EXT1: variants seen among roughly 807,000 people sequenced by gnomAD.
EXT1 encodes exostosin glycosyltransferase 1, also known as exostosin-1.
EXT1 carries 20 observed loss-of-function variants against 82.5 expected under a neutral mutation model. The observed-to-expected ratio is 0.24, with a 90% CI of 0.17 to 0.35. The LOEUF is 0.35. EXT1 is among the 10% of genes least tolerant of loss of function. The pLI, the probability that EXT1 is intolerant of heterozygous loss-of-function variation, is 1.00. For synonymous variants in EXT1, 348 were observed against 350.8 expected (o/e 0.99, Z 0.09); for missense variants, 757 against 936.5 (o/e 0.81, Z 2.50).
At chr8:117,958,938 C>T (rs1196790551) in intron 1 of EXT1, among the ~76,000 whole-genome samples, 4 of 152,178 alleles carry the variant, frequency 2.6e-5, no homozygotes, top group Non-Finnish European at 5.9e-5. Context: ...TGCAAAATCT[C>T]CTTTCTGAGG....
intron 1 of EXT1, among the ~76,000 whole-genome samples, chr8:118,015,413 A>T (rs1019714496): frequency 2.6e-5 from 4 of 152,210 alleles, no homozygotes; most frequent in African/African-American, 9.6e-5. Flanking sequence ...TTACATCAAA[A>T]TGCATAAATG....
intron 1 of EXT1, among the ~76,000 whole-genome samples, chr8:117,984,807 G>T (rs1254177531): frequency 6.6e-6 from 1 of 152,180 alleles, no homozygotes; most frequent in East Asian, 1.9e-4. Flanking sequence ...TCTCTGATTA[G>T]AAGTTGGCTG....
intron 1 of EXT1, among the ~76,000 whole-genome samples, chr8:118,097,837 GACAA>G (rs1448347336): frequency 2.0e-5 from 3 of 152,168 alleles, no homozygotes; most frequent in Non-Finnish European, 2.9e-5. Context: ...ACTGGAGAGA[GACAA>G]ACAAACAGCT....
chr8:117,915,352 CAT>C (rs58661474), intron 1 of EXT1, among the ~76,000 whole-genome samples: 141 of 146,920 alleles, frequency 9.6e-4, no homozygotes, highest in Middle Eastern at 3.5e-3. Flanking sequence ...TAGATATAAC[CAT>C]ATATATATAT....
chr8:117,856,267 T>TG lies in EXT1; in HGVS notation c.963-19067dup, dbSNP rs1554581448. On this transcript the variant is annotated intron_variant, in intron 1 of 10. Coordinates refer to ENST00000378204, the MANE Select transcript of EXT1 (RefSeq NM_000127.3). ...AAGGCTTTTTCTTTTTTTTTTTTTT[T>TG]GTGGGGGGACGGAGTCTCGCTCTGT... is the stretch of plus-strand genomic sequence containing the variant. Among the ~76,000 whole-genome samples the TG allele has an allele frequency of 2.8e-4, 38 of 133,436 alleles. 1 individual carries two copies. Among genetic ancestry groups the TG allele is most frequent in the African/African-American group, 6.0e-4 (20 of 33,378 alleles). 87.5% of individuals were successfully genotyped at this position (133,436 alleles called of 152,430 possible). A position where few individuals can be genotyped will look rare whatever the true frequency, so the allele number is the denominator to read the frequency against.
intron 3 of EXT1, among the ~76,000 whole-genome samples, chr8:117,831,205 A>G (rs1007911158): frequency 6.6e-6 from 1 of 152,214 alleles, no homozygotes; most frequent in Non-Finnish European, 1.5e-5. Flanking sequence ...TGCCTCTAGC[A>G]GCATTTACTA....
chr8:118,041,916 C>T (rs1272051341), intron 1 of EXT1, among the ~76,000 whole-genome samples: 3 of 150,068 alleles, frequency 2.0e-5, no homozygotes, highest in Non-Finnish European at 4.4e-5. Flanking sequence ...CCACTGCATT[C>T]CAGCCTGGGT....
At chr8:117,887,928 A>C (rs1465653446) in intron 1 of EXT1, among the ~76,000 whole-genome samples, 1 of 151,752 alleles carries the variant, frequency 6.6e-6, no homozygotes, top group Non-Finnish European at 1.5e-5. Context: ...TCTACTAAAA[A>C]TACAAAATTA....
Position 118,111,511 on chromosome 8 carries a change from A to G in EXT1, c.-465T>C. 2 of 466,570 alleles carry G rather than the reference A, an allele frequency of 4.3e-6. No homozygotes were observed. Among genetic ancestry groups the G allele is most frequent in the South Asian group, 1.0e-4 (2 of 19,488 alleles). The allele number at this position is 466,570 out of a possible 1,614,324, so 28.9% of individuals were successfully genotyped here. A position where few individuals can be genotyped will look rare whatever the true frequency, so the allele number is the denominator to read the frequency against. On this transcript the variant is annotated 5_prime_UTR_variant, in exon 1 of 11. Transcript: ENST00000378204. ...TCATCCACCACTCTCCGTGCAGAGCACTCCGGTTCCAACAAGTCAGCCGAT... is the reference window on the plus strand; with the variant it reads ...TCATCCACCACTCTCCGTGCAGAGCGCTCCGGTTCCAACAAGTCAGCCGAT...
At chr8:117,809,740 G>A (rs1310153286) in intron 8 of EXT1, among the ~76,000 whole-genome samples, 1 of 152,062 alleles carries the variant, frequency 6.6e-6, no homozygotes, top group Non-Finnish European at 1.5e-5. Context: ...AGGTAGCAGG[G>A]GATGGTGAGC....
intron 1 of EXT1, among the ~76,000 whole-genome samples, chr8:118,073,697 G>GC: frequency 7.6e-6 from 1 of 132,310 alleles, no homozygotes; most frequent in South Asian, 2.4e-4. Flanking sequence ...GAGAAGAGAA[G>GC]AGAAGAGAAG....
intron 1 of EXT1, among the ~76,000 whole-genome samples, chr8:118,040,840 T>C (rs984025988): frequency 2.0e-5 from 3 of 152,194 alleles, no homozygotes; most frequent in Admixed American, 6.5e-5. Flanking sequence ...TTCACGTCAG[T>C]TCTGTCAGTT....
At chr8:118,090,178 T>C (rs1216378717) in intron 1 of EXT1, among the ~76,000 whole-genome samples, 1 of 152,018 alleles carries the variant, frequency 6.6e-6, no homozygotes, top group Middle Eastern at 3.2e-3. Flanking sequence ...CCCCAACACT[T>C]TGGGATGCCA....
At chr8:117,810,235 T>C (rs1161785176) in intron 8 of EXT1, among the ~76,000 whole-genome samples, 1 of 152,150 alleles carries the variant, frequency 6.6e-6, no homozygotes, top group Non-Finnish European at 1.5e-5. Flanking sequence ...CCATCCTTAA[T>C]GCTGCAGAGA....
At chr8:117,966,138 A>T (rs1814805327) in intron 1 of EXT1, among the ~76,000 whole-genome samples, 1 of 152,206 alleles carries the variant, frequency 6.6e-6, no homozygotes, top group Non-Finnish European at 1.5e-5. Flanking sequence ...TCCAATATAG[A>T]GAAAAGTCTC....
chr8:117,874,144 T>A (rs1033643155), intron 1 of EXT1, among the ~76,000 whole-genome samples: 3 of 152,202 alleles, frequency 2.0e-5, no homozygotes, highest in African/African-American at 7.2e-5. Flanking sequence ...TTTTAAATGG[T>A]CATTTCTTTT....
At chr8:117,871,269 T>C (rs1413038004) in intron 1 of EXT1, among the ~76,000 whole-genome samples, 1 of 152,232 alleles carries the variant, frequency 6.6e-6, no homozygotes, top group African/African-American at 2.4e-5. Flanking sequence ...CTTCTGAGCA[T>C]GTTCCTATAA....
At chr8:118,091,344 T>C (rs551659895) in intron 1 of EXT1, among the ~76,000 whole-genome samples, 10 of 152,340 alleles carry the variant, frequency 6.6e-5, no homozygotes, top group Non-Finnish European at 1.0e-4. Flanking sequence ...ATTTCACTCC[T>C]ACTATTTCGA....
rs749764356 is a variant in EXT1 at position 118,110,150 on chromosome 8, C to T, written c.897G>A (p.Lys299=). Residue 299 remains lysine (K), a synonymous_variant, in exon 1 of 11, where the codon AAG becomes AAA. Transcript: ENST00000378204. ...TGTGCTTTTGCCAGTCTTTGCCATG[C>T]TTGCAGGTGGTGAGGAGCACAACGT... is the stretch of plus-strand genomic sequence containing the variant. The part of the protein sequence containing the change: ...GEDVVLLTTC[K]HGKDWQKHKD... 5 of 1,614,196 alleles carry T rather than the reference C, an allele frequency of 3.1e-6. No individual in the cohort carries two copies. Among genetic ancestry groups the T allele is most frequent in the Non-Finnish European group, 4.2e-6 (5 of 1,180,036 alleles).
Sources: gnomAD v4.1 joint callset for allele counts (sites outside exome capture counted in the v4.1 genomes callset) on GRCh38, gnomAD v4.1.1 for gene constraint, MANE v1.5 for transcripts, NCBI Gene and HGNC (gene_info 2026-07-23, HGNC 2026-07-21) for gene names.